The following VPS41 variants were observed in gnomAD, a reference collection of about 807,000 sequenced individuals.
VPS41 encodes the protein vacuolar protein sorting-associated protein 41 homolog.
A neutral mutation model predicts 130.9 loss-of-function variants in VPS41; 85 were observed. That is an observed-to-expected ratio of 0.65 (90% CI 0.55 to 0.78). The LOEUF (loss-of-function observed/expected upper bound fraction) is 0.78, where lower values mean the gene tolerates loss of function less well. Among genes scored for constraint, VPS41 ranks in the 30% least tolerant of loss-of-function variants. The pLI is 0.00. For missense variants in VPS41, 874 were observed against 1,018.7 expected, an observed-to-expected ratio of 0.86 and a Z score of 1.93; for synonymous variants, 335 against 332.9, an observed-to-expected ratio of 1.01 and a Z score of -0.07.
At chr7:38,756,434 T>C (rs1783795709) in intron 19 of VPS41, among the ~76,000 whole-genome samples, 3 of 152,246 alleles carry the variant, frequency 2.0e-5, no homozygotes, top group Admixed American at 2.0e-4. Context: ...CACCAAGAAA[T>C]AAAATAGTAA....
chr7:38,796,818 ACAG>A lies in VPS41; in HGVS notation c.494_496del (p.Ala165del). The A allele has an allele frequency of 1.2e-6, 2 of 1,614,034 alleles. No individual in the cohort carries two copies. Among genetic ancestry groups the A allele is most frequent in the South Asian group, 2.2e-5 (2 of 91,084 alleles). ...TATGTTCCCTTCCCCTTCATGCAGA[ACAG>A]CAGACTTCCATCTGTTCATCCAAGA... On this transcript the variant is annotated inframe_deletion, in exon 8 of 29. Coordinates refer to ENST00000310301, the MANE Select transcript of VPS41 (RefSeq NM_014396.4).
At position 38,754,947 on chromosome 7, in the gene VPS41, T is replaced by C. The variant is rs199639634; in HGVS notation, c.1696-11A>G. The C allele has an allele frequency of 1.9e-3, 3,022 of 1,612,842 alleles. 3 individuals are homozygous for C. The highest frequency in any genetic ancestry group is 2.3e-3 in the Non-Finnish European group (2,767 of 1,179,342). ...CATGTCAACAGCTTTCTGAAACATA[T>C]AAGAAAAGCCACAGTCAATGAAATC... On this transcript the variant is annotated splice_polypyrimidine_tract_variant and intron_variant, in intron 19 of 28. Coordinates refer to ENST00000310301, the MANE Select transcript of VPS41 (RefSeq NM_014396.4).
At position 38,860,261 on chromosome 7, in the gene VPS41, C is replaced by G. The variant is rs547391121; in HGVS notation, c.246+2284G>C. On this transcript the variant is annotated intron_variant, in intron 4 of 28. Transcript: ENST00000310301. ...AATTTGAGCACTGCTCAAGCTCAACCAAAGACATGTACACATGTATAGGTG... is the reference window on the plus strand; with the variant it reads ...AATTTGAGCACTGCTCAAGCTCAACGAAAGACATGTACACATGTATAGGTG... Among the ~76,000 whole-genome samples, 32 of 152,200 alleles carry G rather than the reference C, an allele frequency of 2.1e-4. No individual in the cohort carries two copies. In the East Asian group the frequency reaches 6.0e-3, roughly 29 times the overall value.
At chr7:38,871,270 A>G (rs553343554) in intron 2 of VPS41, among the ~76,000 whole-genome samples, 1 of 152,372 alleles carries the variant, frequency 6.6e-6, no homozygotes, top group Admixed American at 6.5e-5. Flanking sequence ...TGCTCTGCCT[A>G]TGGAAGATTA....
chr7:38,859,442 T>C (rs1421313604), intron 4 of VPS41, among the ~76,000 whole-genome samples: 1 of 152,184 alleles, frequency 6.6e-6, no homozygotes, highest in Non-Finnish European at 1.5e-5. Flanking sequence ...GTAAGTTCCA[T>C]TCATGATAAG....
chr7:38,754,785 C>A, intron 20 of VPS41, 33 bp from the exon 21 acceptor site: 2 of 1,602,352 alleles, frequency 1.2e-6, no homozygotes, highest in Non-Finnish European at 1.7e-6. Flanking sequence ...AAGGTGGAGT[C>A]ATGAGGACAG....
In VPS41 at chr7:38,763,523, C is replaced by T. The variant is rs771285946; in HGVS notation, c.1354G>A (p.Gly452Ser). 10 of 1,606,160 alleles carry T rather than the reference C, an allele frequency of 6.2e-6. No homozygotes were observed. In the South Asian group the frequency reaches 1.0e-4, roughly 16 times the overall value. ...ATGAGTGGTTTCAGAACTGGATCACCTCTTGGCAAATAAGGACTAATAGCC... is the reference window on the plus strand; with the variant it reads ...ATGAGTGGTTTCAGAACTGGATCACTTCTTGGCAAATAAGGACTAATAGCC... ...LKAISPYLPR[G>S]DPVLKPLIYE... is the part of the protein sequence containing the mutation. The change falls in exon 17 of 29, where the codon GGT becomes AGT. Residue 452 changes from glycine (G) to serine (S), a missense_variant. Physicochemically the swap from Gly to Ser is moderately conservative, Grantham distance 56. Transcript: ENST00000310301.
chr7:38,790,312 T>TTG (rs1197046143), intron 9 of VPS41, among the ~76,000 whole-genome samples: 2 of 106,876 alleles, frequency 1.9e-5, no homozygotes, highest in Non-Finnish European at 4.0e-5. Flanking sequence ...TAATAATCTT[T>TTG]TTTATGAAAG....
intron 7 of VPS41, among the ~76,000 whole-genome samples, chr7:38,806,891 C>T (rs1784848720): frequency 6.6e-6 from 1 of 152,194 alleles, no homozygotes; most frequent in South Asian, 2.1e-4. Flanking sequence ...TAAACAATTT[C>T]ACACAAAACC....
chr7:38,841,570 C>T (rs933326417), intron 4 of VPS41, among the ~76,000 whole-genome samples: 9 of 152,072 alleles, frequency 5.9e-5, no homozygotes, highest in Admixed American at 3.3e-4. Flanking sequence ...TCCATTACAC[C>T]CACTTCTCTT....
intron 14 of VPS41, among the ~76,000 whole-genome samples, chr7:38,768,894 C>A (rs1464922929): frequency 6.6e-6 from 1 of 152,130 alleles, no homozygotes; most frequent in East Asian, 1.9e-4. Flanking sequence ...ACACAAAATA[C>A]CCAAAAACTA....
chr7:38,810,042 T>C (rs184296828), intron 7 of VPS41, among the ~76,000 whole-genome samples: 1 of 152,188 alleles, frequency 6.6e-6, no homozygotes, highest in East Asian at 1.9e-4. Flanking sequence ...CAAAAAAAAT[T>C]CATTGGTTCA....
chr7:38,889,128 T>G (rs1786801497), intron 2 of VPS41, among the ~76,000 whole-genome samples: 1 of 147,580 alleles, frequency 6.8e-6, no homozygotes. Flanking sequence ...AAATGAAGAG[T>G]CTCAGGGACC....
chr7:38,735,401 C>A (rs777048941), intron 25 of VPS41, among the ~76,000 whole-genome samples: 3 of 152,076 alleles, frequency 2.0e-5, no homozygotes, highest in Non-Finnish European at 4.4e-5. Flanking sequence ...GGGACTGCAG[C>A]AAATGCAAAT....
At chr7:38,769,124 C>T (rs1044052724) in intron 14 of VPS41, among the ~76,000 whole-genome samples, 2 of 152,146 alleles carry the variant, frequency 1.3e-5, no homozygotes, top group Non-Finnish European at 1.5e-5. Flanking sequence ...CAGCTGACCT[C>T]GTCTTACCCT....
At chr7:38,735,492 T>C (rs1795745095) in intron 25 of VPS41, among the ~76,000 whole-genome samples, 1 of 152,156 alleles carries the variant, frequency 6.6e-6, no homozygotes. Context: ...TGTACATGTG[T>C]GTGTCTCTGT....
At chr7:38,812,611 T>C (rs897276543) in intron 7 of VPS41, among the ~76,000 whole-genome samples, 3 of 152,072 alleles carry the variant, frequency 2.0e-5, no homozygotes, top group Non-Finnish European at 2.9e-5. Flanking sequence ...AGACAACTCA[T>C]AGGCTGGGAA....
At chr7:38,754,676 C>T in intron 21 of VPS41, 26 bp downstream of exon 21, 1 of 1,607,492 alleles carries the variant, frequency 6.2e-7, no homozygotes, top group Non-Finnish European at 8.5e-7. Flanking sequence ...ATCAAAAGGG[C>T]AAAAGGAGGA....
intron 7 of VPS41, among the ~76,000 whole-genome samples, chr7:38,802,404 T>C (rs1161311977): frequency 6.6e-6 from 1 of 152,120 alleles, no homozygotes; most frequent in African/African-American, 2.4e-5. Flanking sequence ...TGAGTCCACT[T>C]TTCCTATCCT....
Sources: allele counts gnomAD v4.1 joint callset (sites outside exome capture counted in the v4.1 genomes callset), GRCh38; gene constraint gnomAD v4.1.1; transcripts MANE v1.5; gene names NCBI Gene and HGNC (gene_info 2026-07-23, HGNC 2026-07-21).